BCL11B: variants seen among roughly 807,000 people sequenced by gnomAD.
BCL11B encodes B-cell lymphoma/leukemia 11B.
Under a neutral mutation model 49.9 loss-of-function variants are expected in BCL11B, and 8 were observed. The observed-to-expected ratio is 0.16, with a 90% CI of 0.09 to 0.29. The LOEUF is 0.29. Ranked by LOEUF, BCL11B falls within the 10% of genes least tolerant of loss-of-function variation. The pLI is 1.00. For synonymous variants in BCL11B, 739 were observed against 637.4 expected (o/e 1.16, Z -2.40); for missense variants, 1,006 against 1,351.0 (o/e 0.74, Z 4.00).
In BCL11B at chr14:99,213,407, G is replaced by A. The variant is rs939751854; in HGVS notation, c.640+17938C>T. On this transcript the variant is annotated intron_variant, in intron 3 of 3. Transcript: ENST00000357195. This position sits in a 1 kb window ranked among gnomAD's most constrained non-coding sequence, Gnocchi z 5.1. ...TATAATTGAATGGATTAACATGAATGCGACGTTTCCCCTCCAAAAATTCGA... is the reference window on the plus strand; with the variant it reads ...TATAATTGAATGGATTAACATGAATACGACGTTTCCCCTCCAAAAATTCGA... Among the ~76,000 whole-genome samples the A allele has an allele frequency of 1.3e-5, 2 of 152,210 alleles. No homozygotes were observed. The highest frequency in any genetic ancestry group is 2.4e-5 in the African/African-American group (1 of 41,454).
At chr14:99,256,722 G>A (rs1340524330) in intron 2 of BCL11B, among the ~76,000 whole-genome samples, 3 of 152,154 alleles carry the variant, frequency 2.0e-5, no homozygotes, top group African/African-American at 7.2e-5. Flanking sequence ...GGACAGAGGG[G>A]CCCTAGACCT....
chr14:99,246,203 A>G (rs1220635607), intron 2 of BCL11B, among the ~76,000 whole-genome samples: 3 of 152,026 alleles, frequency 2.0e-5, no homozygotes, highest in Admixed American at 1.3e-4. Context: ...GGAAGAAAGG[A>G]GCGCGCCTTC....
At chr14:99,230,799 A>G (rs536477194) in intron 3 of BCL11B, among the ~76,000 whole-genome samples, 2 of 149,972 alleles carry the variant, frequency 1.3e-5, no homozygotes, top group East Asian at 2.0e-4. Flanking sequence ...CACACCTCAC[A>G]GTGTTTCACT....
chr14:99,226,322 C>T (rs1382291753), intron 3 of BCL11B, among the ~76,000 whole-genome samples: 1 of 152,206 alleles, frequency 6.6e-6, no homozygotes, highest in African/African-American at 2.4e-5. Context: ...CACGACGGAG[C>T]TCTGCTGTCC....
Position 99,251,788 on chromosome 14 carries a change from G to T in BCL11B, c.427+5683C>A, listed in dbSNP as rs527527444. 7.8e-4 allele frequency among the ~76,000 whole-genome samples: 119 copies of T among 152,084 alleles called. 2 individuals are homozygous for T. Among genetic ancestry groups the T allele is most frequent in the Non-Finnish European group, 9.4e-4 (64 of 68,032 alleles). On this transcript the variant is annotated intron_variant, in intron 2 of 3. Transcript: ENST00000357195. ...TGGGCTTCAAAGACCATTTTGGATG[G>T]GGTCAGAGGTGGTGCCCGCCATCAA...
chr14:99,237,988 T>C (rs1213589578), intron 2 of BCL11B, among the ~76,000 whole-genome samples: 2 of 152,074 alleles, frequency 1.3e-5, no homozygotes, highest in Non-Finnish European at 2.9e-5. Flanking sequence ...ACTGCTCATC[T>C]TTGGGTTGAG....
intron 3 of BCL11B, among the ~76,000 whole-genome samples, chr14:99,208,767 C>T (rs1329032140): frequency 6.6e-6 from 1 of 152,226 alleles, no homozygotes; most frequent in African/African-American, 2.4e-5. Flanking sequence ...GGAGTGCTCG[C>T]TGGAAGAACC....
At chr14:99,261,169 C>A (rs538314385) in intron 1 of BCL11B, among the ~76,000 whole-genome samples, 6 of 152,306 alleles carry the variant, frequency 3.9e-5, no homozygotes, top group African/African-American at 1.4e-4. Flanking sequence ...GCAGCAGAGT[C>A]ACCCCCAGCC....
chr14:99,231,236 C>A lies in BCL11B; in HGVS notation c.640+109G>T. On this transcript the variant is annotated intron_variant, in intron 3 of 3. Transcript: ENST00000357195. The surrounding 1 kb of genome is among the most constrained non-coding windows in gnomAD (Gnocchi z 8.1). ...TTCCCCTGGCACCCCAAAAAGCCTT[C>A]TGGGTGGGAGCTGCCCTTCCTCCCT... is the stretch of plus-strand genomic sequence containing the variant. The A allele has an allele frequency of 8.1e-7, 1 of 1,232,472 alleles. No individual in the cohort carries two copies. The highest frequency in any genetic ancestry group is 1.1e-6 in the Non-Finnish European group (1 of 892,132). The allele number at this position is 1,232,472 out of a possible 1,614,324, so 76.3% of individuals were successfully genotyped here.
intron 1 of BCL11B, among the ~76,000 whole-genome samples, chr14:99,267,345 C>T (rs1349063738): frequency 6.6e-6 from 1 of 151,932 alleles, no homozygotes; most frequent in African/African-American, 2.4e-5. Flanking sequence ...GGAAAAAAGA[C>T]CCTTTAAAAA....
chr14:99,238,405 T>C (rs1421653451), intron 2 of BCL11B, among the ~76,000 whole-genome samples: 1 of 152,148 alleles, frequency 6.6e-6, no homozygotes, highest in Non-Finnish European at 1.5e-5. Flanking sequence ...CAACTCCAAT[T>C]TCCTCAAGAT....
chr14:99,179,113 G>C (rs191378749), intron 3 of BCL11B, among the ~76,000 whole-genome samples: 1 of 152,238 alleles, frequency 6.6e-6, no homozygotes, highest in South Asian at 2.1e-4. Context: ...CAAAAGGGCA[G>C]TTACTGGAAG....
chr14:99,269,244 C>T (rs1157990500), intron 1 of BCL11B, among the ~76,000 whole-genome samples: 3 of 151,136 alleles, frequency 2.0e-5, no homozygotes, highest in African/African-American at 7.3e-5. Flanking sequence ...AATTAAGCCT[C>T]TGCAAGTATA....
chr14:99,199,096 GT>G (rs1354489180), intron 3 of BCL11B, among the ~76,000 whole-genome samples: 1 of 152,188 alleles, frequency 6.6e-6, no homozygotes, highest in Admixed American at 6.5e-5. Context: ...TCCTGAAAAT[GT>G]GAGATAATGA....
chr14:99,209,472 G>A (rs1194904839), intron 3 of BCL11B, among the ~76,000 whole-genome samples: 1 of 151,994 alleles, frequency 6.6e-6, no homozygotes, highest in East Asian at 1.9e-4. Flanking sequence ...TCAGTGCCAG[G>A]GCCAGCCCAG....
In BCL11B at chr14:99,267,260, A is replaced by G. The variant is rs539112402; in HGVS notation, c.58+3901T>C. On this transcript the variant is annotated intron_variant, in intron 1 of 3. Coordinates refer to ENST00000357195, the MANE Select transcript of BCL11B (RefSeq NM_138576.4). The stretch of plus-strand genomic sequence containing the variant: ...CAAGGCCAAGCACAGGCAGATAGCA[A>G]CCTCCCCATCAAAAAAAAAGAAAAG... Among the ~76,000 whole-genome samples the G allele has an allele frequency of 3.3e-4, 50 of 151,932 alleles. No individual in the cohort carries two copies. The South Asian group carries it at 8.7e-3, about 27-fold the overall frequency.
chr14:99,192,724 A>C lies in BCL11B; in HGVS notation c.641-16529T>G, dbSNP rs1887068968. Among the ~76,000 whole-genome samples, 1 of 152,206 alleles carries C rather than the reference A, an allele frequency of 6.6e-6. No homozygotes were observed. Among genetic ancestry groups the C allele is most frequent in the Non-Finnish European group, 1.5e-5 (1 of 68,032 alleles). ...TGGCTGAACATGAATGAGTGAGCTC[A>C]ACTCTGAGCTCCAAGTTCCTTATCC... On this transcript the variant is annotated intron_variant, in intron 3 of 3. Transcript: ENST00000357195. The surrounding 1 kb of genome is among the most constrained non-coding windows in gnomAD (Gnocchi z 4.0).
At chr14:99,244,885 A>G (rs1176750058) in intron 2 of BCL11B, among the ~76,000 whole-genome samples, 1 of 152,204 alleles carries the variant, frequency 6.6e-6, no homozygotes. Context: ...ATATAGGTAT[A>G]CGCATATTTT....
rs1479380838 is a variant in BCL11B at position 99,262,885 on chromosome 14, G to C, written c.59-5046C>G. Reference sequence around the variant, plus strand: ...GGGAGGAGAAGGGTGGAGGGGGAGAGAGCAGGAATCAATTCTTGGTGGAGA... The same window carrying C: ...GGGAGGAGAAGGGTGGAGGGGGAGACAGCAGGAATCAATTCTTGGTGGAGA... On this transcript the variant is annotated intron_variant, in intron 1 of 3. Coordinates refer to ENST00000357195, the MANE Select transcript of BCL11B (RefSeq NM_138576.4). The surrounding 1 kb of genome is among the most constrained non-coding windows in gnomAD (Gnocchi z 4.2). 1.3e-5 allele frequency: 2 copies of C among 152,166 alleles called. No homozygotes were observed. The highest frequency in any genetic ancestry group is 2.9e-5 in the Non-Finnish European group (2 of 68,040). The allele number at this position is 152,166 out of a possible 1,614,324, so 9.4% of individuals were successfully genotyped here.
Sources: gnomAD v4.1 joint callset for allele counts (sites outside exome capture counted in the v4.1 genomes callset) on GRCh38, gnomAD v4.1.1 for gene constraint, Gnocchi (gnomAD v3.1) non-coding constraint, MANE v1.5 for transcripts, NCBI Gene and HGNC (gene_info 2026-07-23, HGNC 2026-07-21) for gene names.